Variants in BNC2 observed in about 807,000 individuals in gnomAD.
BNC2 encodes basonuclin zinc finger protein 2.
BNC2 carries 20 observed loss-of-function variants against 76.3 expected under a neutral mutation model. The observed-to-expected ratio is 0.26, with a 90% CI of 0.18 to 0.38. BNC2 has a LOEUF of 0.38. Among genes scored for constraint, BNC2 ranks in the 10% least tolerant of loss-of-function variants. The pLI, the probability that BNC2 is intolerant of heterozygous loss-of-function variation, is 1.00. For synonymous variants in BNC2, 582 were observed against 514.8 expected, an observed-to-expected ratio of 1.13 and a Z score of -1.77; for missense variants, 1,382 against 1,399.8, an observed-to-expected ratio of 0.99 and a Z score of 0.20.
intron 3 of BNC2, among the ~76,000 whole-genome samples, chr9:16,658,572 G>A (rs571623150): frequency 1.3e-5 from 2 of 152,224 alleles, no homozygotes; most frequent in East Asian, 3.9e-4. Flanking sequence ...GCCACAATTA[G>A]AGGGAACAGT....
chr9:16,495,766 G>A (rs1045214983), intron 5 of BNC2, among the ~76,000 whole-genome samples: 6 of 152,132 alleles, frequency 3.9e-5, no homozygotes, highest in African/African-American at 1.2e-4. Flanking sequence ...GAAGGTTAAC[G>A]AAGACTCAGA....
rs899665164 is a variant in BNC2 at position 16,676,271 on chromosome 9, C to G, written c.330+51526G>C. Among the ~76,000 whole-genome samples the G allele has an allele frequency of 2.0e-5, 3 of 152,056 alleles. No homozygotes were observed. In the East Asian group the frequency reaches 5.8e-4, roughly 29 times the overall value. ...AAATATTTGAACAGAACATCACTAG[C>G]TATTCTTATATAAAAATATGGATAT... On this transcript the variant is annotated intron_variant, in intron 3 of 6. Coordinates refer to ENST00000380672, the MANE Select transcript of BNC2 (RefSeq NM_017637.6).
chr9:16,524,434 C>T (rs1817727971), intron 5 of BNC2, among the ~76,000 whole-genome samples: 2 of 152,102 alleles, frequency 1.3e-5, no homozygotes, highest in Admixed American at 1.3e-4. Context: ...TGACAAGTTC[C>T]CTAAGGAAAT....
intron 5 of BNC2, among the ~76,000 whole-genome samples, chr9:16,528,756 A>C (rs1169566073): frequency 6.6e-6 from 1 of 152,220 alleles, no homozygotes; most frequent in East Asian, 1.9e-4. Flanking sequence ...TAAATAAGTG[A>C]CTAAATAAAT....
chr9:16,856,543 G>A (rs557226250), intron 1 of BNC2, among the ~76,000 whole-genome samples: 4 of 152,042 alleles, frequency 2.6e-5, no homozygotes, highest in Non-Finnish European at 4.4e-5. Context: ...CAAATAGTTG[G>A]GACTACAGGC....
chr9:16,730,744 G>A (rs1000107519), intron 2 of BNC2, among the ~76,000 whole-genome samples: 1 of 152,024 alleles, frequency 6.6e-6, no homozygotes, highest in Non-Finnish European at 1.5e-5. Flanking sequence ...GCCACAACAC[G>A]AGCCTTAAAA....
chr9:16,788,741 TA>T (rs1319106386), intron 1 of BNC2, among the ~76,000 whole-genome samples: 1 of 151,978 alleles, frequency 6.6e-6, no homozygotes, highest in Non-Finnish European at 1.5e-5. Flanking sequence ...GATCAGAGGA[TA>T]AGGAAGGAGA....
At chr9:16,659,801 T>C (rs904515817) in intron 3 of BNC2, among the ~76,000 whole-genome samples, 1 of 152,168 alleles carries the variant, frequency 6.6e-6, no homozygotes, top group African/African-American at 2.4e-5. Context: ...GGCTCCTCTC[T>C]AGCCTCACTT....
chr9:16,579,085 A>G (rs571674287), intron 4 of BNC2, among the ~76,000 whole-genome samples: 1 of 152,250 alleles, frequency 6.6e-6, no homozygotes, highest in South Asian at 2.1e-4. Context: ...GGTGGTGGTA[A>G]GGTAGGAAAT....
Position 16,411,194 on chromosome 9 carries a change from C to G in BNC2, c.*7795G>C, listed in dbSNP as rs1009554276. ...ACCTCTCAATCCTTGCATTCCATGA[C>G]AGAAGTGGGCAGAGCCAGTTAATAA... is the stretch of plus-strand genomic sequence containing the variant. On this transcript the variant is annotated 3_prime_UTR_variant, in exon 7 of 7. Transcript: ENST00000380672. 3.9e-5 allele frequency: 6 copies of G among 152,590 alleles called. No individual in the cohort carries two copies. Among genetic ancestry groups the G allele is most frequent in the African/African-American group, 1.4e-4 (6 of 41,420 alleles). The allele number at this position is 152,590 out of a possible 1,614,324, so 9.5% of individuals were successfully genotyped here.
At chr9:16,662,983 A>T (rs1310462855) in intron 3 of BNC2, among the ~76,000 whole-genome samples, 1 of 152,126 alleles carries the variant, frequency 6.6e-6, no homozygotes, top group Non-Finnish European at 1.5e-5. Flanking sequence ...GCCCTCAAGG[A>T]GGTTACAGTC....
intron 1 of BNC2, among the ~76,000 whole-genome samples, chr9:16,823,627 T>G (rs2135963755): frequency 6.6e-6 from 1 of 151,804 alleles, no homozygotes; most frequent in East Asian, 1.9e-4. Context: ...GAATTACAAC[T>G]GAAATGTGTA....
At chr9:16,832,117 C>A in intron 1 of BNC2, 1 of 262,152 alleles carries the variant, frequency 3.8e-6, no homozygotes, top group South Asian at 4.2e-5. Flanking sequence ...TAAAATACTG[C>A]AATGCAGCTT....
chr9:16,844,992 C>T (rs1192471614), intron 1 of BNC2, among the ~76,000 whole-genome samples: 5 of 152,090 alleles, frequency 3.3e-5, no homozygotes, highest in Non-Finnish European at 4.4e-5. Context: ...CCAAGATTTC[C>T]AAACACTGTG....
At chr9:16,529,266 G>C (rs1482418936) in intron 5 of BNC2, among the ~76,000 whole-genome samples, 1 of 152,196 alleles carries the variant, frequency 6.6e-6, no homozygotes, top group Non-Finnish European at 1.5e-5. Flanking sequence ...TTGAGTGGAA[G>C]TGGGTAGATA....
intron 3 of BNC2, among the ~76,000 whole-genome samples, chr9:16,674,658 T>C (rs1822582869): frequency 6.6e-6 from 1 of 152,220 alleles, no homozygotes; most frequent in Admixed American, 6.5e-5. Context: ...CTATATCATC[T>C]GTTTTTGATT....
At chr9:16,691,954 G>A (rs528969799) in intron 3 of BNC2, among the ~76,000 whole-genome samples, 1 of 151,976 alleles carries the variant, frequency 6.6e-6, no homozygotes, top group South Asian at 2.1e-4. Context: ...GGGATTACAG[G>A]TGCCTGCCAC....
At position 16,845,504 on chromosome 9, in the gene BNC2, A is replaced by G. The variant is rs191418174; in HGVS notation, c.3+25142T>C. Among the ~76,000 whole-genome samples the G allele has an allele frequency of 2.2e-3, 333 of 149,500 alleles. 1 individual carries two copies. Among genetic ancestry groups the G allele is most frequent in the African/African-American group, 4.7e-3 (193 of 40,638 alleles). On this transcript the variant is annotated intron_variant, in intron 1 of 6. Transcript: ENST00000380672. ...TGGGAGGCCAAGGCGGGCGGATCAC[A>G]AGGTCAGGAGATCGAGACCATCCTG...
Position 16,419,229 on chromosome 9 carries a change from T to G in BNC2, c.3060A>C (p.Ser1020=). 6.2e-7 allele frequency: 1 copy of G among 1,614,194 alleles called. No individual in the cohort carries two copies. The highest frequency in any genetic ancestry group is 8.5e-7 in the Non-Finnish European group (1 of 1,180,044). Residue 1020 remains serine, a synonymous_variant, in exon 7 of 7, where the codon TCA becomes TCC. Coordinates refer to ENST00000380672, the MANE Select transcript of BNC2 (RefSeq NM_017637.6). ...ALPGSLGAEV[S]GSLMFSSLSG... ...ACAAGCTGCTGAACATAAGAGATCC[T>G]GAAACTTCAGCCCCTAGGCTGCCAG...
Sources: allele counts gnomAD v4.1 joint callset (sites outside exome capture counted in the v4.1 genomes callset), GRCh38; gene constraint gnomAD v4.1.1; transcripts MANE v1.5; gene names NCBI Gene and HGNC (gene_info 2026-07-23, HGNC 2026-07-21).